The following PRRC2B variants were observed in gnomAD, a reference collection of about 807,000 sequenced individuals.
PRRC2B encodes the protein proline rich coiled-coil 2B, also known as protein PRRC2B.
In PRRC2B, 68 loss-of-function variants were observed where a neutral mutation model predicts 242.3. The observed-to-expected ratio is 0.28, with a 90% CI of 0.23 to 0.34. The LOEUF (loss-of-function observed/expected upper bound fraction) is 0.34, where lower values mean the gene tolerates loss of function less well. Ranked by LOEUF, PRRC2B falls within the 10% of genes least tolerant of loss-of-function variation. The pLI, the probability that PRRC2B is intolerant of heterozygous loss-of-function variation, is 1.00. For synonymous variants in PRRC2B, 1,228 were observed against 1,173.6 expected, an observed-to-expected ratio of 1.05 and a Z score of -0.95; for missense variants, 2,835 against 2,954.8, an observed-to-expected ratio of 0.96 and a Z score of 0.94.
At chr9:131,392,931 A>C (rs549651474), upstream of PRRC2B, among the ~76,000 whole-genome samples, 12 of 151,976 alleles carry the variant, frequency 7.9e-5, no homozygotes, top group African/African-American at 2.9e-4. Flanking sequence ...AAAAAAAAAA[A>C]AGAAAAAAGA....
chr9:131,379,502 G>A (rs963978084), intron 1 of PRRC2B, among the ~76,000 whole-genome samples: 1 of 151,980 alleles, frequency 6.6e-6, no homozygotes, highest in Non-Finnish European at 1.5e-5. Context: ...GTACAAAGTT[G>A]TATCTCATAG....
chr9:131,426,940 G>T (rs1391981338), intron 1 of PRRC2B, among the ~76,000 whole-genome samples: 1 of 152,228 alleles, frequency 6.6e-6, no homozygotes, highest in African/African-American at 2.4e-5. Context: ...ACTGGGATTT[G>T]GGTGAGGGAA....
chr9:131,387,762 G>A (rs1438870677), intron 1 of PRRC2B, among the ~76,000 whole-genome samples: 1 of 149,864 alleles, frequency 6.7e-6, no homozygotes, highest in African/African-American at 2.4e-5. Context: ...AGTGGCATGT[G>A]CTATAAAGTA....
chr9:131,425,498 T>C (rs542896025), intron 1 of PRRC2B, among the ~76,000 whole-genome samples: 3 of 151,962 alleles, frequency 2.0e-5, no homozygotes, highest in Non-Finnish European at 2.9e-5. Flanking sequence ...GTTGTTGTTG[T>C]TGTTTTTTGA....
chr9:131,481,274 G>C (rs1943854826), intron 19 of PRRC2B, among the ~76,000 whole-genome samples: 1 of 119,910 alleles, frequency 8.3e-6, no homozygotes, highest in Admixed American at 1.2e-4. Flanking sequence ...TCGCGCCACT[G>C]CACTCCAGCC....
At chr9:131,458,576 C>T (rs1943151221) in intron 10 of PRRC2B, among the ~76,000 whole-genome samples, 2 of 151,442 alleles carry the variant, frequency 1.3e-5, no homozygotes, top group Admixed American at 1.3e-4. Flanking sequence ...GCGATTTTGG[C>T]TCACTGCAAC....
At chr9:131,392,587 C>T (rs1043586154), upstream of PRRC2B, among the ~76,000 whole-genome samples, 3 of 151,984 alleles carry the variant, frequency 2.0e-5, no homozygotes, top group Non-Finnish European at 2.9e-5. Context: ...GTAGAGATAG[C>T]GAAATATTGA....
At chr9:131,429,594 C>G (rs1194372822) in intron 1 of PRRC2B, among the ~76,000 whole-genome samples, 1 of 152,202 alleles carries the variant, frequency 6.6e-6, no homozygotes, top group African/African-American at 2.4e-5. Flanking sequence ...GGATAATACT[C>G]TGGCTGCCCT....
Position 131,464,840 on chromosome 9 carries a change from C to T in PRRC2B, c.1482C>T (p.Phe494=). The T allele has an allele frequency of 1.2e-6, 2 of 1,613,664 alleles. No homozygotes were observed. Among genetic ancestry groups the T allele is most frequent in the Admixed American group, 1.7e-5 (1 of 60,004 alleles). Residue 494 remains phenylalanine, a synonymous_variant, in exon 12 of 32, where the codon TTC becomes TTT. Transcript: ENST00000683519. ...ACAAGCCCCCACCAAGGCAGAAGTTCATTCAGTCAGAGATGTCCGAGGCGG... is the reference window on the plus strand; with the variant it reads ...ACAAGCCCCCACCAAGGCAGAAGTTTATTCAGTCAGAGATGTCCGAGGCGG... ...KEDKPPPRQK[F]IQSEMSEAVE... is the part of the protein sequence containing the mutation.
intron 19 of PRRC2B, among the ~76,000 whole-genome samples, chr9:131,481,414 C>T (rs943029456): frequency 1.3e-5 from 2 of 151,524 alleles, no homozygotes; most frequent in African/African-American, 4.9e-5. Flanking sequence ...ATGAGCATAG[C>T]GGAAATAACG....
chr9:131,406,411 A>G (rs1837362467), intron 1 of PRRC2B, among the ~76,000 whole-genome samples: 1 of 152,038 alleles, frequency 6.6e-6, no homozygotes, highest in African/African-American at 2.4e-5. Flanking sequence ...GGGGAGTTTC[A>G]GGTAAATGTC....
chr9:131,407,800 T>C (rs548960251), intron 1 of PRRC2B, among the ~76,000 whole-genome samples: 7 of 152,060 alleles, frequency 4.6e-5, no homozygotes, highest in African/African-American at 1.7e-4. Context: ...TGTGGTAGAG[T>C]GAGGAGGGCA....
intron 5 of PRRC2B, among the ~76,000 whole-genome samples, chr9:131,440,089 T>C (rs1279892746): frequency 6.6e-6 from 1 of 152,042 alleles, no homozygotes; most frequent in Admixed American, 6.6e-5. Flanking sequence ...GATTGATTGG[T>C]TGCGACGAGA....
At position 131,477,750 on chromosome 9, in the gene PRRC2B, A is replaced by G; in HGVS notation, c.4413A>G (p.Pro1471=). The stretch of plus-strand genomic sequence containing the variant: ...GATCCTCTTTCCCTTACAGATCCCC[A>G]GACGAGGCCTTGCCTGGAGGTCTTA... ...NGTPLKVKRS[P]DEALPGGLSG... Residue 1471 remains proline (P), a synonymous_variant, in exon 17 of 32, where the codon CCA becomes CCG. Coordinates refer to ENST00000683519, the MANE Select transcript of PRRC2B (RefSeq NM_013318.4). 6.3e-7 allele frequency: 1 copy of G among 1,599,070 alleles called. No individual in the cohort carries two copies. Among genetic ancestry groups the G allele is most frequent in the Non-Finnish European group, 8.5e-7 (1 of 1,171,162 alleles).
In PRRC2B at chr9:131,394,132, AGGAG is replaced by A. The variant is rs1251723193; in HGVS notation, c.-174_-171del. 1 of 148,308 alleles carries A rather than the reference AGGAG, an allele frequency of 6.7e-6. No homozygotes were observed. The highest frequency in any genetic ancestry group is 2.5e-5 in the African/African-American group (1 of 40,630). 9.2% of individuals were successfully genotyped at this position (148,308 alleles called of 1,614,324 possible). A position where few individuals can be genotyped will look rare whatever the true frequency, so the allele number is the denominator to read the frequency against. The stretch of plus-strand genomic sequence containing the variant: ...CCGCGCAGCGACGAGCGAGCCCGGG[AGGAG>A]GGAGGGAGCGAGCGAGCGAGCAGCC... On this transcript the variant is annotated 5_prime_UTR_variant, in exon 1 of 32. Transcript: ENST00000683519.
chr9:131,478,274 G>A lies in PRRC2B; in HGVS notation c.4613-200G>A, dbSNP rs113705633. ...CAGAGCTGGGGTTTAAGCTCTTTGC[G>A]TGTTCTCTCAGTTGTGCCCTTGGGC... On this transcript the variant is annotated intron_variant, in intron 17 of 31. Coordinates refer to ENST00000683519, the MANE Select transcript of PRRC2B (RefSeq NM_013318.4). 3.7e-3 allele frequency among the ~76,000 whole-genome samples: 560 copies of A among 152,334 alleles called. 5 individuals carry two copies. Among genetic ancestry groups the A allele is most frequent in the African/African-American group, 0.013 (532 of 41,570 alleles).
intron 5 of PRRC2B, among the ~76,000 whole-genome samples, chr9:131,443,098 G>GTTTAT (rs367589201): frequency 1.3e-5 from 2 of 150,992 alleles, no homozygotes; most frequent in South Asian, 2.1e-4. Flanking sequence ...AGCAGCATTT[G>GTTTAT]TTTATTTTAT....
At chr9:131,480,197 G>A (rs2131457706) in intron 19 of PRRC2B, among the ~76,000 whole-genome samples, 1 of 152,352 alleles carries the variant, frequency 6.6e-6, no homozygotes, top group African/African-American at 2.4e-5. Flanking sequence ...AGGGACTCCA[G>A]GGTCATAGGA....
In PRRC2B at chr9:131,476,391, T is replaced by C; in HGVS notation, c.4262T>C (p.Phe1421Ser). 6.2e-7 allele frequency: 1 copy of C among 1,606,082 alleles called. No individual in the cohort carries two copies. Among genetic ancestry groups the C allele is most frequent in the Non-Finnish European group, 8.5e-7 (1 of 1,176,284 alleles). ...AAGAAGGAGCTGGCCAAGAGGAGCT[T>C]CTCCAGTCAGAGACCCGTGGTTGAC... The part of the protein sequence containing the change: ...GEKKELAKRS[F>S]SSQRPVVDRQ... The change falls in exon 16 of 32, where the codon TTC (phenylalanine) becomes TCC (serine). Residue 1421 changes from phenylalanine to serine, a missense_variant. Physicochemically the swap from Phe to Ser is radical, Grantham distance 155. Coordinates refer to ENST00000683519, the MANE Select transcript of PRRC2B (RefSeq NM_013318.4).
Sources: gnomAD v4.1 joint callset for allele counts (sites outside exome capture counted in the v4.1 genomes callset) on GRCh38, gnomAD v4.1.1 for gene constraint, MANE v1.5 for transcripts, NCBI Gene and HGNC (gene_info 2026-07-23, HGNC 2026-07-21) for gene names.